The following PSMD14 variants were observed in gnomAD, a reference collection of about 807,000 sequenced individuals.
The protein encoded by PSMD14 is proteasome 26S subunit, non-ATPase 14.
In PSMD14, 7 loss-of-function variants were observed where a neutral mutation model predicts 41.2. That is an observed-to-expected ratio of 0.17 (90% CI 0.10 to 0.32). The LOEUF (loss-of-function observed/expected upper bound fraction) is 0.32, where lower values mean the gene tolerates loss of function less well. Ranked by LOEUF, PSMD14 falls within the 10% of genes least tolerant of loss-of-function variation. PSMD14 has a pLI of 1.00. For synonymous variants in PSMD14, 114 were observed against 122.3 expected (o/e 0.93, Z 0.45); for missense variants, 139 against 375.6 (o/e 0.37, Z 5.21).
intron 3 of PSMD14, chr2:161,341,319 G>A: frequency 2.0e-6 from 2 of 1,017,528 alleles, no homozygotes; most frequent in Non-Finnish European, 2.3e-6. Flanking sequence ...CTCGGCCGGC[G>A]CCTCCATCGC....
intron 3 of PSMD14, among the ~76,000 whole-genome samples, chr2:161,336,370 A>G (rs17758464): frequency 0.91 from 138,986 of 152,226 alleles, 63,499 homozygotes; most frequent in East Asian, 1. Flanking sequence ...GTCGGAAACA[A>G]GGAAATGAAG....
chr2:161,317,610 G>A (rs1019560401), intron 2 of PSMD14, among the ~76,000 whole-genome samples: 1 of 152,156 alleles, frequency 6.6e-6, no homozygotes, highest in Non-Finnish European at 1.5e-5. Context: ...ATGTGCACTT[G>A]AGTGAAGTTC....
chr2:161,371,075 C>T, intron 6 of PSMD14, 97 bp from the exon 7 acceptor site: 1 of 1,345,292 alleles, frequency 7.4e-7, no homozygotes, highest in Non-Finnish European at 1.0e-6. Context: ...TTTTTCATCT[C>T]TTCTTAATTT....
chr2:161,330,334 C>G (rs541360401), intron 3 of PSMD14, among the ~76,000 whole-genome samples: 8 of 152,256 alleles, frequency 5.3e-5, no homozygotes, highest in Admixed American at 1.3e-4. Context: ...ATATCTCTGT[C>G]TAATATGGGA....
intron 3 of PSMD14, among the ~76,000 whole-genome samples, chr2:161,337,029 A>G (rs528296477): frequency 1.3e-5 from 2 of 152,350 alleles, no homozygotes; most frequent in Admixed American, 6.5e-5. Flanking sequence ...AACTTATTCA[A>G]AGTCATTTAA....
intron 5 of PSMD14, among the ~76,000 whole-genome samples, chr2:161,369,742 G>A (rs768983024): frequency 2.0e-5 from 3 of 152,072 alleles, no homozygotes; most frequent in Non-Finnish European, 4.4e-5. Context: ...AACTTTGGAT[G>A]AGGCTCATTT....
chr2:161,341,929 TCTCTC>T (rs1210190540), intron 3 of PSMD14, among the ~76,000 whole-genome samples: 1 of 151,134 alleles, frequency 6.6e-6, no homozygotes, highest in African/African-American at 2.4e-5. Context: ...AATTAAGAAA[TCTCTC>T]CTAACCCAAT....
At chr2:161,320,730 TATA>T (rs1284536235) in intron 3 of PSMD14, among the ~76,000 whole-genome samples, 5 of 151,962 alleles carry the variant, frequency 3.3e-5, no homozygotes, top group African/African-American at 1.2e-4. Context: ...ATTTATTTAT[TATA>T]ATTTTTTTTT....
intron 11 of PSMD14, chr2:161,409,725 T>TC (rs1450375937): frequency 1.3e-5 from 2 of 152,092 alleles, no homozygotes; most frequent in Admixed American, 6.6e-5. Flanking sequence ...AATGAATTAC[T>TC]CCAACAGAGC....
At chr2:161,400,247 T>C (rs376796345) in intron 10 of PSMD14, among the ~76,000 whole-genome samples, 4 of 152,230 alleles carry the variant, frequency 2.6e-5, no homozygotes, top group East Asian at 1.9e-4. Context: ...CTGCTTTCCT[T>C]GTGTTGGCTT....
At chr2:161,360,963 AT>A (rs1297892336) in intron 3 of PSMD14, among the ~76,000 whole-genome samples, 1 of 152,168 alleles carries the variant, frequency 6.6e-6, no homozygotes, top group Admixed American at 6.5e-5. Flanking sequence ...TGGGAAAACT[AT>A]TTTTTCAGGG....
At chr2:161,339,721 G>GGGACACGTGGCTCT (rs1190089853) in intron 3 of PSMD14, among the ~76,000 whole-genome samples, 2 of 152,230 alleles carry the variant, frequency 1.3e-5, no homozygotes, top group Non-Finnish European at 1.5e-5. Context: ...TTGCTGTTTG[G>GGGACACGTGGCTCT]GGACACGTGG....
At chr2:161,311,326 AT>A (rs1400725326) in intron 1 of PSMD14, among the ~76,000 whole-genome samples, 2 of 152,060 alleles carry the variant, frequency 1.3e-5, no homozygotes, top group African/African-American at 4.8e-5. Flanking sequence ...GAAAAAAAAA[AT>A]TGCATCTATA....
intron 10 of PSMD14, among the ~76,000 whole-genome samples, chr2:161,406,396 C>T (rs1026036225): frequency 5.3e-5 from 8 of 152,230 alleles, no homozygotes; most frequent in South Asian, 2.1e-4. Flanking sequence ...CCGAAGAGCA[C>T]GAATGCAAAA....
chr2:161,408,920 G>T, intron 11 of PSMD14, 21 bp downstream of exon 11: 1 of 1,568,450 alleles, frequency 6.4e-7, no homozygotes, highest in Non-Finnish European at 8.7e-7. Flanking sequence ...CTGTTAATAA[G>T]TTATGCAGTT....
rs1205896028 is a variant in PSMD14, at chr2:161,391,089, CATTT to C, written c.571-12_571-9del. 5 of 1,454,560 alleles carry C rather than the reference CATTT, an allele frequency of 3.4e-6. No homozygotes were observed. Among genetic ancestry groups the C allele is most frequent in the Non-Finnish European group, 4.5e-6 (5 of 1,099,580 alleles). The allele number at this position is 1,454,560 out of a possible 1,614,324, so 90.1% of individuals were successfully genotyped here. A position where few individuals can be genotyped will look rare whatever the true frequency, so the allele number is the denominator to read the frequency against. ...AATATTAATTTGTCCTTTTTAAAAT[CATTT>C]ATCTATATAGGCATTAATTCATGGA... is the stretch of plus-strand genomic sequence containing the variant. On this transcript the variant is annotated splice_polypyrimidine_tract_variant and intron_variant, in intron 8 of 11. Coordinates refer to ENST00000409682, the MANE Select transcript of PSMD14 (RefSeq NM_005805.6).
intron 3 of PSMD14, among the ~76,000 whole-genome samples, chr2:161,331,265 T>TA (rs1400098433): frequency 7.2e-5 from 11 of 152,060 alleles, no homozygotes; most frequent in Non-Finnish European, 1.3e-4. Context: ...GGAATTTTTT[T>TA]TTTTTTTTTA....
intron 3 of PSMD14, among the ~76,000 whole-genome samples, chr2:161,330,779 TG>T (rs1213371144): frequency 1.3e-5 from 2 of 152,194 alleles, no homozygotes; most frequent in African/African-American, 4.8e-5. Flanking sequence ...ACTGAATGCC[TG>T]TGAAGGGCAT....
chr2:161,315,589 A>T (rs1224747090), intron 1 of PSMD14, among the ~76,000 whole-genome samples: 1 of 151,970 alleles, frequency 6.6e-6, no homozygotes, highest in East Asian at 1.9e-4. Flanking sequence ...AATAACTATA[A>T]TTTTTTTCAC....
Sources: gnomAD v4.1 joint callset for allele counts (sites outside exome capture counted in the v4.1 genomes callset) on GRCh38, gnomAD v4.1.1 for gene constraint, MANE v1.5 for transcripts, NCBI Gene and HGNC (gene_info 2026-07-23, HGNC 2026-07-21) for gene names.